The following NCOR1 variants were observed in gnomAD, a reference collection of about 807,000 sequenced individuals.
The protein encoded by NCOR1 is nuclear receptor corepressor 1, also known as protein phosphatase 1, regulatory subunit 109.
NCOR1 carries 63 observed loss-of-function variants against 288.1 expected under a neutral mutation model. The observed-to-expected ratio is 0.22, with a 90% CI of 0.18 to 0.27. The LOEUF is 0.27. NCOR1 is among the 10% of genes least tolerant of loss of function. NCOR1 has a pLI of 1.00. For missense variants in NCOR1, 2,397 were observed against 3,019.2 expected (o/e 0.79, Z 4.83); for synonymous variants, 1,007 against 1,065.9 (o/e 0.94, Z 1.08).
intron 1 of NCOR1, among the ~76,000 whole-genome samples, chr17:16,205,613 C>G (rs973080592): frequency 5.0e-5 from 7 of 140,814 alleles, no homozygotes; most frequent in South Asian, 2.2e-4. Context: ...AAGAGCGAGG[C>G]TCTGTCTAAA....
chr17:16,136,806 C>CAAAAAAAA (rs60523446), intron 14 of NCOR1, among the ~76,000 whole-genome samples: 14 of 111,690 alleles, frequency 1.3e-4, no homozygotes, highest in African/African-American at 2.6e-4. Context: ...GACTCTGTTT[C>CAAAAAAAA]AAAAAAAAAA....
rs1246117326 is a variant in NCOR1 at position 16,095,945 on chromosome 17, A to G, written c.2820+2422T>C. On this transcript the variant is annotated intron_variant, in intron 21 of 45. Transcript: ENST00000268712. Reference sequence around the variant, plus strand: ...TGGTTGCTGTGTCTGTGTAGAAAGTAGTAGACATGGGAGACTTTTCATTTT... The same window carrying G: ...TGGTTGCTGTGTCTGTGTAGAAAGTGGTAGACATGGGAGACTTTTCATTTT... Among the ~76,000 whole-genome samples the G allele has an allele frequency of 2.6e-5, 4 of 152,240 alleles. No individual in the cohort carries two copies. In the South Asian group the frequency reaches 8.3e-4, roughly 32 times the overall value.
At chr17:16,047,537 G>T (rs1438423480) in intron 41 of NCOR1, among the ~76,000 whole-genome samples, 1 of 152,102 alleles carries the variant, frequency 6.6e-6, no homozygotes, top group Non-Finnish European at 1.5e-5. Flanking sequence ...AAAATAGCAA[G>T]AACTCATATC....
rs71299858 is a variant in NCOR1, at chr17:16,056,308, C to CTTTTTTTTTTTTT, written c.6392+1193_6392+1205dup. On this transcript the variant is annotated intron_variant, in intron 40 of 45. Transcript: ENST00000268712. Reference sequence around the variant, plus strand: ...GTCTTGTTCTCAGCATTCTTTTTATCTTTTTTTTTTTTTTTTTTTTTTGAG... The same window carrying CTTTTTTTTTTTTT: ...GTCTTGTTCTCAGCATTCTTTTTATCTTTTTTTTTTTTTTTTTTTTTTTTTTTTTTTTTTTGAG... 1.5e-3 allele frequency among the ~76,000 whole-genome samples: 143 copies of CTTTTTTTTTTTTT among 95,984 alleles called. 1 individual carries two copies. Among genetic ancestry groups the CTTTTTTTTTTTTT allele is most frequent in the Non-Finnish European group, 1.8e-3 (91 of 51,186 alleles). The allele number at this position is 95,984 out of a possible 152,430, so 63.0% of individuals were successfully genotyped here.
intron 40 of NCOR1, among the ~76,000 whole-genome samples, chr17:16,055,309 T>C (rs2059791013): frequency 1.3e-5 from 2 of 152,186 alleles, no homozygotes; most frequent in Non-Finnish European, 2.9e-5. Flanking sequence ...ATAAAGACAA[T>C]GTGGTACATA....
At chr17:16,041,377 T>G (rs1235293234) in intron 42 of NCOR1, 1 of 150,586 alleles carries the variant, frequency 6.6e-6, no homozygotes, top group East Asian at 1.9e-4. Flanking sequence ...GGCAGCCAAA[T>G]GATGTGTCCC....
intron 32 of NCOR1, among the ~76,000 whole-genome samples, 185 bp downstream of exon 32, chr17:16,067,709 G>C (rs2061295664): frequency 6.6e-6 from 1 of 152,178 alleles, no homozygotes; most frequent in South Asian, 2.1e-4. Context: ...TTTACCGGGT[G>C]CTGATAAGAT....
At chr17:16,033,396 T>TC (rs1185054506) in intron 45 of NCOR1, among the ~76,000 whole-genome samples, 5 of 145,198 alleles carry the variant, frequency 3.4e-5, no homozygotes, top group African/African-American at 1.0e-4. Flanking sequence ...AAATAATAAA[T>TC]CTCATGTATG....
chr17:16,120,738 A>G (rs1032506747), intron 16 of NCOR1, among the ~76,000 whole-genome samples: 2 of 152,186 alleles, frequency 1.3e-5, no homozygotes, highest in Non-Finnish European at 2.9e-5. Flanking sequence ...TTCAGCAATA[A>G]GAGAATGGTT....
intron 19 of NCOR1, among the ~76,000 whole-genome samples, chr17:16,105,331 C>T (rs1255656842): frequency 6.6e-6 from 1 of 151,964 alleles, no homozygotes; most frequent in Non-Finnish European, 1.5e-5. Flanking sequence ...GTGGGAAAAT[C>T]GCTTGAGCCT....
In NCOR1 at chr17:16,034,881, G is replaced by A; in HGVS notation, c.7019C>T (p.Pro2340Leu). 1 of 1,614,064 alleles carries A rather than the reference G, an allele frequency of 6.2e-7. No homozygotes were observed. Among genetic ancestry groups the A allele is most frequent in the Non-Finnish European group, 8.5e-7 (1 of 1,180,004 alleles). Residue 2340 changes from proline to leucine, a missense_variant, in exon 45 of 46, where the codon CCT (proline) becomes CTT (leucine). Pro to Leu is a moderately conservative substitution (Grantham distance 98, BLOSUM62 -3). Around this residue, in one of 11 missense-constraint regions of NCOR1, gnomAD observed 1,872 missense variants for 2,187.8 expected, o/e 0.86. Coordinates refer to ENST00000268712, the MANE Select transcript of NCOR1 (RefSeq NM_006311.4). ...TTCCGTTCCTAAGTAGCCTTGCCCA[G>A]GTATAGGAGACTTAGATTTCCTGCT... The part of the protein sequence containing the change: ...SNSRKSKSPI[P>L]GQGYLGTERP...
At chr17:16,124,105 C>A (rs73981460) in intron 15 of NCOR1, among the ~76,000 whole-genome samples, 11,796 of 152,146 alleles carry the variant, frequency 0.078, 676 homozygotes, top group African/African-American at 0.17. Context: ...GTATCTTCCT[C>A]AGGTATAAAA....
chr17:16,140,792 T>C (rs1405995483), intron 11 of NCOR1, among the ~76,000 whole-genome samples: 1 of 150,976 alleles, frequency 6.6e-6, no homozygotes, highest in Middle Eastern at 3.2e-3. Context: ...CCAGTCTGGC[T>C]GACAGAGCGA....
At chr17:16,057,254 C>T (rs1299383586) in intron 40 of NCOR1, 4 of 446,020 alleles carry the variant, frequency 9.0e-6, no homozygotes, top group African/African-American at 6.0e-5. Context: ...CCAAACTACA[C>T]ATTCTTCTTA....
In NCOR1 at chr17:16,033,443, G is replaced by T. The variant is rs1972902778; in HGVS notation, c.7136-960C>A. On this transcript the variant is annotated intron_variant, in intron 45 of 45. Coordinates refer to ENST00000268712, the MANE Select transcript of NCOR1 (RefSeq NM_006311.4). ...TCTTCCCTAAGAGATCTGAGAAGCA[G>T]CAACCACTGGTCTGGGCTGTAAGCT... Among the ~76,000 whole-genome samples, 4 of 151,560 alleles carry T rather than the reference G, an allele frequency of 2.6e-5. No individual in the cohort carries two copies. In the South Asian group the frequency reaches 8.3e-4, roughly 32 times the overall value.
intron 5 of NCOR1, 121 bp downstream of exon 5, chr17:16,164,858 A>C (rs1568422502): frequency 9.2e-6 from 6 of 652,612 alleles, no homozygotes; most frequent in Non-Finnish European, 1.5e-5. Flanking sequence ...AAAAACAGCA[A>C]GTCCGAATAT....
intron 40 of NCOR1, among the ~76,000 whole-genome samples, chr17:16,052,071 C>T (rs1044855336): frequency 6.6e-6 from 1 of 151,976 alleles, no homozygotes; most frequent in African/African-American, 2.4e-5. Context: ...TGCGGTGGCG[C>T]GATCTTGGCT....
At chr17:16,172,754 A>G (rs952441543) in intron 3 of NCOR1, among the ~76,000 whole-genome samples, 2 of 152,146 alleles carry the variant, frequency 1.3e-5, no homozygotes, top group African/African-American at 4.8e-5. Context: ...TCATTTCTTT[A>G]CAGGATGTAT....
rs1163087766 is a variant in NCOR1, at chr17:16,039,451, C to G, written c.6937G>C (p.Asp2313His). 1 of 1,613,918 alleles carries G rather than the reference C, an allele frequency of 6.2e-7. No individual in the cohort carries two copies. Among genetic ancestry groups the G allele is most frequent in the Non-Finnish European group, 8.5e-7 (1 of 1,179,978 alleles). The change falls in exon 44 of 46, where the codon GAC becomes CAC. Residue 2313 changes from aspartate (D) to histidine (H), a missense_variant. Physicochemically the swap from Asp to His is moderately conservative, Grantham distance 81. This residue lies in a region of NCOR1 where 1,872 missense variants were observed against 2,187.8 expected (regional missense o/e 0.86). Transcript: ENST00000268712. ...TSGETRREEG[D>H]PSPHSGGVCK... ...GCTGTACCTGAATGAGGTGATGGGT[C>G]CCCTTCCTCTCTTCGTGTCTCACCA...
Sources: allele counts gnomAD v4.1 joint callset (sites outside exome capture counted in the v4.1 genomes callset), GRCh38; gene constraint gnomAD v4.1.1; regional missense constraint gnomAD v4.1.1; transcripts MANE v1.5; gene names NCBI Gene and HGNC (gene_info 2026-07-23, HGNC 2026-07-21).